OXSR1: variants seen among roughly 807,000 people sequenced by gnomAD.
OXSR1 encodes serine/threonine-protein kinase OSR1.
Under a neutral mutation model 79.8 loss-of-function variants are expected in OXSR1, and 24 were observed. The observed-to-expected ratio is 0.30, with a 90% confidence interval of 0.22 to 0.42. The LOEUF is 0.42. OXSR1 is among the 10% of genes least tolerant of loss of function. OXSR1 has a pLI of 1.00. For missense variants in OXSR1, 430 were observed against 618.4 expected, an observed-to-expected ratio of 0.70 and a Z score of 3.23; for synonymous variants, 226 against 209.2, an observed-to-expected ratio of 1.08 and a Z score of -0.69.
At chr3:38,196,762 G>A (rs1261306141) in intron 3 of OXSR1, among the ~76,000 whole-genome samples, 1 of 152,166 alleles carries the variant, frequency 6.6e-6, no homozygotes, top group Non-Finnish European at 1.5e-5. Context: ...CAGACTAGAA[G>A]TTCCCTTAAA....
chr3:38,195,692 T>G (rs1702061645), intron 3 of OXSR1, among the ~76,000 whole-genome samples: 1 of 152,230 alleles, frequency 6.6e-6, no homozygotes, highest in South Asian at 2.1e-4. Flanking sequence ...TGAGTTATAA[T>G]TTTCAGACTT....
chr3:38,177,171 T>C (rs1701690201), intron 1 of OXSR1, among the ~76,000 whole-genome samples: 1 of 152,240 alleles, frequency 6.6e-6, no homozygotes, highest in South Asian at 2.1e-4. Context: ...ACTTGAGAAA[T>C]GCCTTTCTTG....
chr3:38,166,068 G>A (rs1701446510), intron 1 of OXSR1, 122 bp downstream of exon 1: 1 of 877,370 alleles, frequency 1.1e-6, no homozygotes, highest in Non-Finnish European at 1.8e-6. Flanking sequence ...GCGCTTGTGG[G>A]GCTGGGGGCT....
chr3:38,226,925 T>C (rs940217718), intron 8 of OXSR1, among the ~76,000 whole-genome samples: 8 of 152,062 alleles, frequency 5.3e-5, no homozygotes, highest in African/African-American at 1.9e-4. Flanking sequence ...CCAGTGTTGA[T>C]ATTTTAGTTG....
chr3:38,212,779 A>T (rs1420308096), intron 4 of OXSR1, among the ~76,000 whole-genome samples: 1 of 152,184 alleles, frequency 6.6e-6, no homozygotes, highest in African/African-American at 2.4e-5. Context: ...GAGTGGATAG[A>T]GGATTTAGCT....
chr3:38,230,256 A>T lies in OXSR1; in HGVS notation c.886-109A>T. ...AGAATGAAAGTTTTTCTCACACTTC[A>T]TTACAGAACAGTTACTATATCACAT... On this transcript the variant is annotated intron_variant, in intron 9 of 17. Transcript: ENST00000311806. 4.1e-6 allele frequency: 3 copies of T among 726,632 alleles called. No homozygotes were observed. In the South Asian group the frequency reaches 4.6e-5, roughly 11 times the overall value. The allele number at this position is 726,632 out of a possible 1,614,324, so 45.0% of individuals were successfully genotyped here. A position where few individuals can be genotyped will look rare whatever the true frequency, so the allele number is the denominator to read the frequency against.
At chr3:38,227,550 C>T (rs1185284479) in intron 8 of OXSR1, among the ~76,000 whole-genome samples, 1 of 108,244 alleles carries the variant, frequency 9.2e-6, no homozygotes, top group Non-Finnish European at 1.9e-5. Flanking sequence ...CACATCCACA[C>T]ACACACACAC....
intron 10 of OXSR1, chr3:38,230,635 A>C: frequency 2.0e-6 from 1 of 489,880 alleles, no homozygotes; most frequent in Non-Finnish European, 3.7e-6. Flanking sequence ...TTTTAGGATG[A>C]AAAGGGATGC....
intron 6 of OXSR1, 64 bp downstream of exon 6, chr3:38,221,751 A>G (rs1702595760): frequency 3.2e-6 from 3 of 935,118 alleles, no homozygotes; most frequent in Admixed American, 4.2e-5. Context: ...AAAAAACTTA[A>G]TAGTGCTTGC....
chr3:38,211,431 T>C (rs549811362), intron 4 of OXSR1, among the ~76,000 whole-genome samples: 1 of 152,358 alleles, frequency 6.6e-6, no homozygotes, highest in South Asian at 2.1e-4. Flanking sequence ...AAAATGACTT[T>C]TTTACTCCTA....
intron 1 of OXSR1, among the ~76,000 whole-genome samples, chr3:38,167,816 A>C (rs1701496695): frequency 1.3e-5 from 2 of 152,152 alleles, no homozygotes; most frequent in South Asian, 4.1e-4. Context: ...ATTGAAGGAA[A>C]GGATTAAATG....
At chr3:38,196,770 A>G (rs1702079185) in intron 3 of OXSR1, among the ~76,000 whole-genome samples, 1 of 152,212 alleles carries the variant, frequency 6.6e-6, no homozygotes, top group Non-Finnish European at 1.5e-5. Flanking sequence ...AAGTTCCCTT[A>G]AAGTTAGCAA....
At position 38,165,553 on chromosome 3, in the gene OXSR1, T is replaced by C. The variant is rs1029285260; in HGVS notation, c.-324T>C. The C allele has an allele frequency of 3.5e-5, 12 of 338,734 alleles. No homozygotes were observed. The East Asian group carries it at 6.9e-4, about 20-fold the overall frequency. The allele number at this position is 338,734 out of a possible 1,614,324, so 21.0% of individuals were successfully genotyped here. ...GGAAAGTTTGGCCCGTGCGTGGGGC[T>C]GGGGTGGAGGGCGGGACAGAGGGGC... On this transcript the variant is annotated 5_prime_UTR_variant, in exon 1 of 18. Transcript: ENST00000311806.
At chr3:38,231,807 ATTAAT>A (rs1440505345) in intron 10 of OXSR1, among the ~76,000 whole-genome samples, 16 of 152,274 alleles carry the variant, frequency 1.1e-4, no homozygotes, top group East Asian at 1.9e-4. Context: ...CTGAAATCTG[ATTAAT>A]TTAAGAAGAG....
intron 4 of OXSR1, 92 bp from the exon 5 acceptor site, chr3:38,216,004 G>T: frequency 1.4e-6 from 1 of 737,734 alleles, no homozygotes. Context: ...AATATTGCTA[G>T]TATTACATGA....
In OXSR1 at chr3:38,223,903, C is replaced by T. The variant is rs1475844937; in HGVS notation, c.692C>T (p.Pro231Leu). The change falls in exon 7 of 18, where the codon CCA becomes CTA. Residue 231 changes from proline (P) to leucine (L), a missense_variant. By Grantham distance (98) the Pro-to-Leu change is moderately conservative (BLOSUM62 -3). Transcript: ENST00000311806. ...ATGAAPYHKYPPMKVLMLTLQ... is the reference protein window; with the variant it reads ...ATGAAPYHKYLPMKVLMLTLQ... ...GGGGCGGCTCCTTATCATAAATATC[C>T]ACCAATGAAGGTGAGGCTTGTATTC... The T allele has an allele frequency of 6.3e-7, 1 of 1,594,232 alleles. No homozygotes were observed. Among genetic ancestry groups the T allele is most frequent in the East Asian group, 2.3e-5 (1 of 44,080 alleles).
At chr3:38,249,845 C>G (rs1376665216) in intron 14 of OXSR1, 121 bp from the exon 15 acceptor site, 7 of 680,518 alleles carry the variant, frequency 1.0e-5, no homozygotes, top group Non-Finnish European at 1.6e-5. Context: ...CTGAATACAT[C>G]ATATGATCTA....
intron 4 of OXSR1, among the ~76,000 whole-genome samples, chr3:38,199,804 G>A (rs1317392234): frequency 6.6e-6 from 1 of 152,176 alleles, no homozygotes; most frequent in Non-Finnish European, 1.5e-5. Context: ...TTGCTGCCAA[G>A]TGGAGAATAC....
chr3:38,252,177 C>CT lies in OXSR1; in HGVS notation c.1445-148dup, dbSNP rs1474601338. On this transcript the variant is annotated intron_variant, in intron 16 of 17. Coordinates refer to ENST00000311806, the MANE Select transcript of OXSR1 (RefSeq NM_005109.3). ...TACTCAGAAATGAGTTTAAAAGACA[C>CT]TTTCATTAGGGGAGTGATTATTTGA... 2.5e-5 allele frequency: 16 copies of CT among 647,672 alleles called. No homozygotes were observed. In the African/African-American group the frequency reaches 2.5e-4, roughly 10 times the overall value. 40.1% of individuals were successfully genotyped at this position (647,672 alleles called of 1,614,324 possible). A position where few individuals can be genotyped will look rare whatever the true frequency, so the allele number is the denominator to read the frequency against.
Sources: gnomAD v4.1 joint callset for allele counts (sites outside exome capture counted in the v4.1 genomes callset) on GRCh38, gnomAD v4.1.1 for gene constraint, MANE v1.5 for transcripts, NCBI Gene and HGNC (gene_info 2026-07-23, HGNC 2026-07-21) for gene names.